Variants in PROS1 observed in about 807,000 individuals in gnomAD.
PROS1 encodes protein S, also known as vitamin K-dependent protein S.
In PROS1, 29 loss-of-function variants were observed where a neutral mutation model predicts 75.9. The ratio of observed to expected loss-of-function variants is 0.38; its 90% CI spans 0.28 to 0.52. PROS1 has a LOEUF of 0.52. PROS1 is among the 20% of genes least tolerant of loss of function. PROS1 has a pLI of 0.83. For missense variants in PROS1, 680 were observed against 810.3 expected (o/e 0.84, Z 1.95); for synonymous variants, 245 against 280.6 (o/e 0.87, Z 1.27).
Position 93,886,288 on chromosome 3 carries a change from G to A in PROS1, c.1323+48C>T, listed in dbSNP as rs1708345243. 5.2e-6 allele frequency: 8 copies of A among 1,551,428 alleles called. No homozygotes were observed. The East Asian group carries it at 9.0e-5, about 17-fold the overall frequency. ...AACACACATATTCAAATCTATTACA[G>A]ACAAAAGGAACTCATCCATGATGAA... On this transcript the variant is annotated intron_variant, in intron 11 of 14. Coordinates refer to ENST00000394236, the MANE Select transcript of PROS1 (RefSeq NM_000313.4).
intron 1 of PROS1, among the ~76,000 whole-genome samples, chr3:93,964,732 C>T (rs1399813416): frequency 6.6e-6 from 1 of 152,122 alleles, no homozygotes; most frequent in Non-Finnish European, 1.5e-5. Flanking sequence ...CTTCTGAAAT[C>T]CTTAATAAAA....
chr3:93,970,748 CTTT>C (rs545224101), intron 1 of PROS1, among the ~76,000 whole-genome samples: 1 of 152,008 alleles, frequency 6.6e-6, no homozygotes, highest in Non-Finnish European at 1.5e-5. Context: ...TGAACAATTT[CTTT>C]TTTTATTTTT....
chr3:93,955,055 C>T (rs934496135), intron 1 of PROS1, among the ~76,000 whole-genome samples: 116 of 152,090 alleles, frequency 7.6e-4, no homozygotes, highest in African/African-American at 2.7e-3. Flanking sequence ...AGAATGGCAA[C>T]CATTAAAAAG....
intron 1 of PROS1, among the ~76,000 whole-genome samples, chr3:93,938,323 C>G (rs1322904093): frequency 1.3e-5 from 2 of 152,204 alleles, no homozygotes; most frequent in Non-Finnish European, 2.9e-5. Flanking sequence ...ACGGCCCCAC[C>G]CCTATCTCCC....
At position 93,891,762 on chromosome 3, in the gene PROS1, C is replaced by G. The variant is rs116040624; in HGVS notation, c.1155+1171G>C. 3.6e-3 allele frequency among the ~76,000 whole-genome samples: 541 copies of G among 151,522 alleles called. 2 individuals are homozygous for G. Among genetic ancestry groups the G allele is most frequent in the Admixed American group, 3.0e-3 (46 of 15,236 alleles). On this transcript the variant is annotated intron_variant, in intron 10 of 14. Coordinates refer to ENST00000394236, the MANE Select transcript of PROS1 (RefSeq NM_000313.4). Reference sequence around the variant, plus strand: ...TACCTGCTAATGTATATCATTTGCACAAAAACTGACAACTAGGTCCGGTAC... The same window carrying G: ...TACCTGCTAATGTATATCATTTGCAGAAAAACTGACAACTAGGTCCGGTAC...
chr3:93,961,365 T>C (rs1359048928), intron 1 of PROS1, among the ~76,000 whole-genome samples: 9 of 152,238 alleles, frequency 5.9e-5, no homozygotes, highest in Non-Finnish European at 1.3e-4. Context: ...CTGATGCTTT[T>C]AAAATTGATT....
chr3:93,909,202 C>A (rs1442285058), intron 4 of PROS1, among the ~76,000 whole-genome samples: 1 of 151,950 alleles, frequency 6.6e-6, no homozygotes, highest in African/African-American at 2.4e-5. Flanking sequence ...CTTTGGGAGG[C>A]CCAGGTAGGA....
At chr3:93,923,072 T>G (rs1456868318) in intron 3 of PROS1, among the ~76,000 whole-genome samples, 1 of 152,198 alleles carries the variant, frequency 6.6e-6, no homozygotes, top group African/African-American at 2.4e-5. Context: ...GTTAAAAATT[T>G]TTAGGTCTGA....
At chr3:93,902,179 T>C (rs1708606333) in intron 6 of PROS1, among the ~76,000 whole-genome samples, 1 of 151,884 alleles carries the variant, frequency 6.6e-6, no homozygotes, top group African/African-American at 2.4e-5. Flanking sequence ...TGGTGGCATG[T>C]GTTCTTGTTA....
intron 1 of PROS1, among the ~76,000 whole-genome samples, chr3:93,927,961 A>G (rs1172139686): frequency 7.5e-6 from 1 of 132,818 alleles, no homozygotes; most frequent in African/African-American, 2.8e-5. Context: ...ACTTGTGTAT[A>G]TATATATGTG....
At chr3:93,884,953 T>A (rs1708325873) in intron 11 of PROS1, 57 bp from the exon 12 acceptor site, 2 of 1,428,266 alleles carry the variant, frequency 1.4e-6, no homozygotes, top group East Asian at 4.6e-5. Context: ...AGTGGCTCGA[T>A]TATGAGTATA....
chr3:93,903,239 G>A (rs1458739286), intron 6 of PROS1, among the ~76,000 whole-genome samples: 3 of 152,078 alleles, frequency 2.0e-5, no homozygotes, highest in African/African-American at 4.8e-5. Flanking sequence ...AAACAATAAT[G>A]CAAATGAATA....
At chr3:93,903,980 A>T (rs1223500653) in intron 6 of PROS1, among the ~76,000 whole-genome samples, 1 of 108,270 alleles carries the variant, frequency 9.2e-6, no homozygotes, top group African/African-American at 3.7e-5. Flanking sequence ...CCCACCCTAC[A>T]ACAGTCCCCA....
chr3:93,908,339 A>T (rs1708706667), intron 4 of PROS1, among the ~76,000 whole-genome samples: 1 of 152,306 alleles, frequency 6.6e-6, no homozygotes, highest in African/African-American at 2.4e-5. Flanking sequence ...ATTGGACCAC[A>T]TTACTGCCTG....
intron 10 of PROS1, among the ~76,000 whole-genome samples, chr3:93,892,616 C>T (rs1428888422): frequency 6.7e-6 from 1 of 150,198 alleles, no homozygotes; most frequent in Non-Finnish European, 1.5e-5. Context: ...AAGAGCAAAA[C>T]TCTGTCTCAA....
intron 6 of PROS1, among the ~76,000 whole-genome samples, chr3:93,901,709 TTAAAA>T (rs1236968456): frequency 6.6e-6 from 1 of 152,236 alleles, no homozygotes; most frequent in Admixed American, 6.5e-5. Context: ...AGGATATTAT[TTAAAA>T]TAACTTGCAC....
At chr3:93,905,330 G>C (rs1171493713) in intron 6 of PROS1, among the ~76,000 whole-genome samples, 1 of 152,124 alleles carries the variant, frequency 6.6e-6, no homozygotes, top group Non-Finnish European at 1.5e-5. Flanking sequence ...TAAAATGCAG[G>C]CCAGGCAGAG....
intron 1 of PROS1, among the ~76,000 whole-genome samples, chr3:93,934,660 G>C (rs1203294410): frequency 2.0e-5 from 3 of 151,996 alleles, no homozygotes; most frequent in Admixed American, 6.5e-5. Flanking sequence ...TCCAGGGAGA[G>C]AAAAAGAAGA....
Position 93,931,935 on chromosome 3 carries a change from G to GTCCTTTACAA in PROS1, c.77-4538_77-4529dup, listed in dbSNP as rs143262202. 2.7e-3 allele frequency among the ~76,000 whole-genome samples: 409 copies of GTCCTTTACAA among 152,288 alleles called. 10 individuals are homozygous for GTCCTTTACAA. In the East Asian group the frequency reaches 0.073, roughly 27 times the overall value. The stretch of plus-strand genomic sequence containing the variant: ...AGGTCACTATCTTAAATAATTAGCT[G>GTCCTTTACAA]TCCTTTACAAAATAAACCCATCCAT... On this transcript the variant is annotated intron_variant, in intron 1 of 14. Coordinates refer to ENST00000394236, the MANE Select transcript of PROS1 (RefSeq NM_000313.4).
Sources: allele counts gnomAD v4.1 joint callset (sites outside exome capture counted in the v4.1 genomes callset), GRCh38; gene constraint gnomAD v4.1.1; transcripts MANE v1.5; gene names NCBI Gene and HGNC (gene_info 2026-07-23, HGNC 2026-07-21).